ZXDC: variants seen among roughly 807,000 people sequenced by gnomAD.
The protein encoded by ZXDC is ZXD family zinc finger C.
In ZXDC, 58 loss-of-function variants were observed where a neutral mutation model predicts 63.6. That is an observed-to-expected ratio of 0.91 (90% CI 0.74 to 1.13). The LOEUF is 1.13. ZXDC is among the 50% of genes most tolerant of loss of function. ZXDC has a pLI of 0.00. For missense variants in ZXDC, 1,133 were observed against 1,148.9 expected (o/e 0.99, Z 0.20); for synonymous variants, 561 against 496.1 (o/e 1.13, Z -1.74).
chr3:126,464,027 T>C (rs1158042185), intron 5 of ZXDC, among the ~76,000 whole-genome samples: 1 of 152,234 alleles, frequency 6.6e-6, no homozygotes, highest in Non-Finnish European at 1.5e-5. Flanking sequence ...AAATTAAAAA[T>C]GGAAAACTAT....
At chr3:126,459,778 C>A (rs776438699) in intron 6 of ZXDC, 41 bp from the exon 7 acceptor site, 4 of 1,613,980 alleles carry the variant, frequency 2.5e-6, no homozygotes, top group Non-Finnish European at 3.4e-6. Context: ...TATCTAGACA[C>A]AAAGGAAGGG....
At chr3:126,460,445 A>G in intron 6 of ZXDC, 1 of 984,676 alleles carries the variant, frequency 1.0e-6, no homozygotes, top group Non-Finnish European at 1.2e-6. Flanking sequence ...ACAGCTAGCA[A>G]GAAAATGAAC....
chr3:126,475,438 C>T lies in ZXDC; in HGVS notation c.428G>A (p.Gly143Asp). The T allele has an allele frequency of 8.4e-7, 1 of 1,189,140 alleles. No individual in the cohort carries two copies. The highest frequency in any genetic ancestry group is 1.0e-6 in the Non-Finnish European group (1 of 962,432). 73.7% of individuals were successfully genotyped at this position (1,189,140 alleles called of 1,614,324 possible). A position where few individuals can be genotyped will look rare whatever the true frequency, so the allele number is the denominator to read the frequency against. ...SQDLLVRLDR[G>D]VLALSAPPGP... ...GGGCGGCGCAGACAGCGCGAGGACG[C>T]CGCGGTCGAGACGCACCAGCAGGTC... Residue 143 changes from glycine to aspartate, a missense_variant, in exon 1 of 10, where the codon GGC (glycine) becomes GAC (aspartate). Gly to Asp is a moderately conservative substitution (Grantham distance 94, BLOSUM62 -1). Coordinates refer to ENST00000389709, the MANE Select transcript of ZXDC (RefSeq NM_025112.5).
intron 7 of ZXDC, chr3:126,453,325 T>C (rs893121970): frequency 1.0e-6 from 1 of 985,470 alleles, no homozygotes; most frequent in Non-Finnish European, 1.2e-6. Flanking sequence ...CTAGGGGCCA[T>C]ATCCCCTTAA....
At chr3:126,461,416 G>GGCT in intron 6 of ZXDC, 119 bp downstream of exon 6, 1 of 1,440,608 alleles carries the variant, frequency 6.9e-7, no homozygotes, top group Non-Finnish European at 9.1e-7. Flanking sequence ...TGTAGTCCAG[G>GGCT]GCTGCGTCCT....
intron 7 of ZXDC, among the ~76,000 whole-genome samples, chr3:126,444,587 A>G (rs968113047): frequency 1.3e-5 from 2 of 152,198 alleles, no homozygotes; most frequent in African/African-American, 2.4e-5. Flanking sequence ...TAAGGCAGGC[A>G]GTGAATAGTG....
intron 4 of ZXDC, 130 bp from the exon 5 acceptor site, chr3:126,466,455 C>T (rs945716132): frequency 1.1e-6 from 1 of 923,980 alleles, no homozygotes; most frequent in Non-Finnish European, 1.7e-6. Context: ...AGGACAGAGA[C>T]CAAATATCTC....
rs1418463023 is a variant in ZXDC at position 126,475,629 on chromosome 3, C to T, written c.237G>A (p.Leu79=). Reference sequence around the variant, plus strand: ...CGGCAGCGCCGCCGTGCGGCACTTCCAGCAGCACCAAGAAAGAGTCGCCGT... The same window carrying T: ...CGGCAGCGCCGCCGTGCGGCACTTCTAGCAGCACCAAGAAAGAGTCGCCGT... ...DSDGDSFLVL[L]EVPHGGAAAE... Residue 79 remains leucine, a synonymous_variant, in exon 1 of 10, where the codon CTG becomes CTA. Coordinates refer to ENST00000389709, the MANE Select transcript of ZXDC (RefSeq NM_025112.5). 1.4e-6 allele frequency: 2 copies of T among 1,474,776 alleles called. No individual in the cohort carries two copies. Among genetic ancestry groups the T allele is most frequent in the Non-Finnish European group, 1.8e-6 (2 of 1,111,804 alleles). 91.4% of individuals were successfully genotyped at this position (1,474,776 alleles called of 1,614,324 possible).
chr3:126,444,487 A>G (rs58726927), intron 7 of ZXDC, among the ~76,000 whole-genome samples: 12 of 151,922 alleles, frequency 7.9e-5, no homozygotes, highest in East Asian at 7.7e-4. Flanking sequence ...AGCCGAGATC[A>G]TGCCACTGCA....
Position 126,439,735 on chromosome 3 carries a change from G to A in ZXDC, c.2395-8C>T, listed in dbSNP as rs1462088233. ...TTCGCCGGAGGGGTCATCCTGGGAAGGCAACACAGAAAGGCCTGTCACATG... is the reference window on the plus strand; with the variant it reads ...TTCGCCGGAGGGGTCATCCTGGGAAAGCAACACAGAAAGGCCTGTCACATG... On this transcript the variant is annotated splice_region_variant and splice_polypyrimidine_tract_variant and intron_variant, in intron 8 of 9. Transcript: ENST00000389709. 6.5e-7 allele frequency: 1 copy of A among 1,549,572 alleles called. No individual in the cohort carries two copies. The highest frequency in any genetic ancestry group is 1.2e-5 in the South Asian group (1 of 83,984).
chr3:126,465,039 G>C (rs1934700651), intron 5 of ZXDC, among the ~76,000 whole-genome samples: 1 of 152,192 alleles, frequency 6.6e-6, no homozygotes, highest in Non-Finnish European at 1.5e-5. Context: ...ATGGAGGCCT[G>C]TCCCTTGCCA....
At chr3:126,462,650 T>G (rs1934603016) in intron 5 of ZXDC, among the ~76,000 whole-genome samples, 1 of 152,178 alleles carries the variant, frequency 6.6e-6, no homozygotes, top group Non-Finnish European at 1.5e-5. Context: ...GGACTGAACC[T>G]TTCCACTCAG....
rs1437003196 is a variant in ZXDC at position 126,472,043 on chromosome 3, G to A, written c.1069C>T (p.Pro357Ser). ...CAGCTGTCAGAGTCACAAATAAATGGTCTTTCACCTTATAAAAGAAAAAAT... is the reference window on the plus strand; with the variant it reads ...CAGCTGTCAGAGTCACAAATAAATGATCTTTCACCTTATAAAAGAAAAAAT... ...IHLRSHTGER[P>S]FICDSDSCGW... Residue 357 changes from proline (P) to serine (S), a missense_variant, in exon 3 of 10, where the codon CCA becomes TCA. By Grantham distance (74) the Pro-to-Ser change is moderately conservative. Coordinates refer to ENST00000389709, the MANE Select transcript of ZXDC (RefSeq NM_025112.5). 1.2e-6 allele frequency: 2 copies of A among 1,612,590 alleles called. No individual in the cohort carries two copies. Among genetic ancestry groups the A allele is most frequent in the East Asian group, 2.2e-5 (1 of 44,878 alleles).
At chr3:126,449,429 C>T (rs1406069569) in intron 7 of ZXDC, among the ~76,000 whole-genome samples, 1 of 152,124 alleles carries the variant, frequency 6.6e-6, no homozygotes, top group Non-Finnish European at 1.5e-5. Flanking sequence ...TCACAACCAC[C>T]CTACAAAGCC....
chr3:126,439,518 C>T (rs927779704), intron 9 of ZXDC, 114 bp downstream of exon 9: 10 of 1,533,144 alleles, frequency 6.5e-6, no homozygotes, highest in African/African-American at 4.1e-5. Context: ...CCCACTGAGC[C>T]TCCCAAGCCA....
At chr3:126,445,771 C>G (rs530402804) in intron 7 of ZXDC, among the ~76,000 whole-genome samples, 217 of 152,224 alleles carry the variant, frequency 1.4e-3, no homozygotes, top group African/African-American at 5.1e-3. Context: ...AGGGGCCAAG[C>G]CCCAGTTGCT....
intron 8 of ZXDC, 171 bp from the exon 9 acceptor site, chr3:126,439,898 C>T: frequency 7.0e-7 from 1 of 1,423,882 alleles, no homozygotes; most frequent in Non-Finnish European, 9.1e-7. Flanking sequence ...GGGCTGGGTA[C>T]TACCTGTTCC....
Position 126,457,194 on chromosome 3 carries a change from G to A in ZXDC, c.2212+2459C>T, listed in dbSNP as rs560607875. The A allele has an allele frequency of 7.7e-5, 71 of 921,134 alleles. No homozygotes were observed. In the South Asian group the frequency reaches 3.1e-3, roughly 41 times the overall value. 57.1% of individuals were successfully genotyped at this position (921,134 alleles called of 1,614,324 possible). A position where few individuals can be genotyped will look rare whatever the true frequency, so the allele number is the denominator to read the frequency against. On this transcript the variant is annotated intron_variant, in intron 7 of 9. Transcript: ENST00000389709. ...CATCAAGTCTGCCATTCAGCTGCCA[G>A]GACTGCGGCCACAGGGGACTCTCAG...
chr3:126,451,822 G>A lies in ZXDC; in HGVS notation c.2212+7831C>T, dbSNP rs1046368769. The A allele has an allele frequency of 4.1e-6, 4 of 985,274 alleles. No homozygotes were observed. In the African/African-American group the frequency reaches 7.0e-5, roughly 17 times the overall value. 61.0% of individuals were successfully genotyped at this position (985,274 alleles called of 1,614,324 possible). A position where few individuals can be genotyped will look rare whatever the true frequency, so the allele number is the denominator to read the frequency against. Reference sequence around the variant, plus strand: ...CCTCTGCTGATACACTCTGGGAAATGATTTAACCTTGGGGCCTCAGTGGCA... The same window carrying A: ...CCTCTGCTGATACACTCTGGGAAATAATTTAACCTTGGGGCCTCAGTGGCA... On this transcript the variant is annotated intron_variant, in intron 7 of 9. Transcript: ENST00000389709.
Sources: allele counts gnomAD v4.1 joint callset (sites outside exome capture counted in the v4.1 genomes callset), GRCh38; gene constraint gnomAD v4.1.1; transcripts MANE v1.5; gene names NCBI Gene and HGNC (gene_info 2026-07-23, HGNC 2026-07-21).